Variants in DNAH5 observed in about 807,000 individuals in gnomAD.
DNAH5 encodes axonemal beta dynein heavy chain 5.
DNAH5 carries 372 observed loss-of-function variants against 518.2 expected under a neutral mutation model. That is an observed-to-expected ratio of 0.72 (90% CI 0.66 to 0.78). DNAH5 has a LOEUF of 0.78. DNAH5 is among the 30% of genes least tolerant of loss of function. The pLI, the probability that DNAH5 is intolerant of heterozygous loss-of-function variation, is 0.00. For missense variants in DNAH5, 5,523 were observed against 5,687.0 expected, an observed-to-expected ratio of 0.97 and a Z score of 0.93; for synonymous variants, 2,039 against 2,025.9, an observed-to-expected ratio of 1.01 and a Z score of -0.17.
chr5:13,806,784 C>G (rs1759664893), intron 47 of DNAH5, among the ~76,000 whole-genome samples: 1 of 152,066 alleles, frequency 6.6e-6, no homozygotes, highest in African/African-American at 2.4e-5. Context: ...CTAGGTCATT[C>G]CTGGTGGTTT....
intron 1 of DNAH5, among the ~76,000 whole-genome samples, chr5:13,972,936 C>T (rs1171996753): frequency 6.6e-6 from 1 of 152,146 alleles, no homozygotes; most frequent in Admixed American, 6.5e-5. Context: ...TAGCAAGACC[C>T]CATCTCTAAA....
At position 13,793,594 on chromosome 5, in the gene DNAH5, G is replaced by C; in HGVS notation, c.8145C>G (p.Asp2715Glu). Reference protein sequence around the residue: ...AMIHPGGGRNDIPQRLKRQFS... With the variant: ...AMIHPGGGRNEIPQRLKRQFS... The stretch of plus-strand genomic sequence containing the variant: ...ACTGCCTCTTGAGTCTTTGGGGTAT[G>C]TCATTGCGTCCACCACCAGGATGGA... Residue 2715 changes from aspartate to glutamate, a missense_variant, in exon 49 of 79, where the codon GAC (aspartate) becomes GAG (glutamate). By Grantham distance (45) the Asp-to-Glu change is conservative (BLOSUM62 2). Coordinates refer to ENST00000265104, the MANE Select transcript of DNAH5 (RefSeq NM_001369.3). The C allele has an allele frequency of 1.9e-6, 3 of 1,614,128 alleles. No homozygotes were observed. The highest frequency in any genetic ancestry group is 2.5e-6 in the Non-Finnish European group (3 of 1,180,018).
At chr5:13,875,465 C>CAAAAAA (rs70964513) in intron 22 of DNAH5, among the ~76,000 whole-genome samples, 3 of 105,996 alleles carry the variant, frequency 2.8e-5, no homozygotes, top group African/African-American at 3.8e-5. Flanking sequence ...GAAACTCCTT[C>CAAAAAA]AAAAAAAAAA....
chr5:13,859,206 T>A (rs1354143744), intron 30 of DNAH5, among the ~76,000 whole-genome samples: 1 of 152,148 alleles, frequency 6.6e-6, no homozygotes, highest in Non-Finnish European at 1.5e-5. Context: ...TTATTTTTTG[T>A]TTTTTTAACC....
chr5:13,862,470 T>TA, intron 29 of DNAH5, 78 bp downstream of exon 29: 1 of 1,372,104 alleles, frequency 7.3e-7, no homozygotes, highest in East Asian at 2.3e-5. Context: ...GCTATTATTG[T>TA]AATGGATTTT....
intron 1 of DNAH5, among the ~76,000 whole-genome samples, chr5:13,962,990 G>C (rs557902747): frequency 2.6e-5 from 4 of 152,186 alleles, no homozygotes; most frequent in Admixed American, 2.0e-4. Context: ...CGCGTCCCAA[G>C]AGCAGGGAGC....
rs886038479 is a variant in DNAH5, at chr5:13,864,638, CTG to C, written c.4356-3_4356-2del. Reference sequence around the variant, plus strand: ...CAAGGCCCGGGGAAGCTTTCGACATCTGTGAAGGGACACCAACATGAAAGGCC... The same window carrying C: ...CAAGGCCCGGGGAAGCTTTCGACATCTGAAGGGACACCAACATGAAAGGCC... On this transcript the variant is annotated splice_acceptor_variant and splice_polypyrimidine_tract_variant and intron_variant, in intron 27 of 78. Coordinates refer to ENST00000265104, the MANE Select transcript of DNAH5 (RefSeq NM_001369.3). LOFTEE classifies it high-confidence loss of function. 1.2e-6 allele frequency: 2 copies of C among 1,614,124 alleles called. No homozygotes were observed. Among genetic ancestry groups the C allele is most frequent in the Non-Finnish European group, 1.7e-6 (2 of 1,180,008 alleles).
At chr5:14,010,136 A>G (rs1206366316) in intron 1 of DNAH5, among the ~76,000 whole-genome samples, 1 of 152,100 alleles carries the variant, frequency 6.6e-6, no homozygotes, top group Non-Finnish European at 1.5e-5. Flanking sequence ...TTTTTCACTC[A>G]TTAATTGTAA....
chr5:13,860,038 C>T (rs1209959635), intron 29 of DNAH5, among the ~76,000 whole-genome samples: 1 of 152,152 alleles, frequency 6.6e-6, no homozygotes, highest in Non-Finnish European at 1.5e-5. Flanking sequence ...ATTCAATCTT[C>T]AAATATGATA....
intron 16 of DNAH5, among the ~76,000 whole-genome samples, chr5:13,892,109 A>AT (rs397769194): frequency 0.57 from 85,924 of 151,988 alleles, 24,553 homozygotes; most frequent in South Asian, 0.64. Flanking sequence ...AAAGTTTTCT[A>AT]TTTTTTCTAA....
At chr5:13,777,031 G>A (rs1442554889) in intron 54 of DNAH5, among the ~76,000 whole-genome samples, 171 bp downstream of exon 54, 1 of 151,960 alleles carries the variant, frequency 6.6e-6, no homozygotes. Context: ...AATTTTGATG[G>A]AGAGTTTTAT....
intron 1 of DNAH5, among the ~76,000 whole-genome samples, chr5:13,956,665 A>T (rs1780785022): frequency 6.6e-6 from 1 of 152,182 alleles, no homozygotes. Flanking sequence ...CTTATCCTGC[A>T]CTTCTACGTT....
rs572989128 is a variant in DNAH5 at position 13,701,314 on chromosome 5, G to A, written c.13461C>T (p.Asn4487=). The stretch of plus-strand genomic sequence containing the variant: ...GCATTGCAGTTAAAAATCCCTGGGG[G>A]TTAAAAAAACCCGTCATCCAAAAGC... ...PHCFWMTGFF[N]PQGFLTAMRQ... is the part of the protein sequence containing the mutation. Residue 4487 remains asparagine (N), a synonymous_variant, in exon 77 of 79, where the codon AAC becomes AAT. Coordinates refer to ENST00000265104, the MANE Select transcript of DNAH5 (RefSeq NM_001369.3). 3.7e-6 allele frequency: 6 copies of A among 1,614,022 alleles called. No individual in the cohort carries two copies. In the South Asian group the frequency reaches 5.5e-5, roughly 15 times the overall value.
intron 29 of DNAH5, among the ~76,000 whole-genome samples, 154 bp from the exon 30 acceptor site, chr5:13,859,759 T>C (rs1768130673): frequency 1.3e-5 from 2 of 152,220 alleles, no homozygotes; most frequent in South Asian, 4.1e-4. Flanking sequence ...AGTGATTAAT[T>C]CATCCCCACT....
At chr5:13,752,419 T>A in intron 63 of DNAH5, 130 bp from the exon 64 acceptor site, 1 of 1,131,902 alleles carries the variant, frequency 8.8e-7, no homozygotes, top group South Asian at 1.3e-5. Context: ...ATCCAAAATG[T>A]TCCCAAATAC....
At chr5:13,879,990 C>A (rs1347142633) in intron 21 of DNAH5, among the ~76,000 whole-genome samples, 1 of 152,096 alleles carries the variant, frequency 6.6e-6, no homozygotes. Flanking sequence ...CAAAAACACT[C>A]ACACCAAGAC....
intron 1 of DNAH5, among the ~76,000 whole-genome samples, chr5:14,001,821 T>TCAG (rs1289927939): frequency 6.6e-6 from 1 of 152,046 alleles, no homozygotes; most frequent in African/African-American, 2.4e-5. Context: ...TGCCCACCAC[T>TCAG]CAGCCCATTA....
intron 47 of DNAH5, among the ~76,000 whole-genome samples, chr5:13,803,350 G>C (rs1759075278): frequency 6.6e-6 from 1 of 152,044 alleles, no homozygotes; most frequent in South Asian, 2.1e-4. Context: ...ATTGTAAAAA[G>C]TAAAATATGT....
At chr5:13,899,896 T>C (rs1044014107) in intron 15 of DNAH5, 7 of 349,162 alleles carry the variant, frequency 2.0e-5, no homozygotes, top group Admixed American at 4.5e-5. Context: ...CCTCTTAACA[T>C]CCATTTTCCA....
Sources: allele counts gnomAD v4.1 joint callset (sites outside exome capture counted in the v4.1 genomes callset), GRCh38; gene constraint gnomAD v4.1.1; transcripts MANE v1.5; gene names NCBI Gene and HGNC (gene_info 2026-07-23, HGNC 2026-07-21).